Variants in ROR1 observed in about 807,000 individuals in gnomAD.
ROR1 encodes the protein inactive tyrosine-protein kinase transmembrane receptor ROR1.
ROR1 carries 19 observed loss-of-function variants against 78.8 expected under a neutral mutation model. The observed-to-expected ratio is 0.24, with a 90% CI of 0.17 to 0.35. ROR1 has a LOEUF of 0.35. ROR1 is among the 10% of genes least tolerant of loss of function. The probability of loss-of-function intolerance (pLI) is 1.00; values close to 1 mark genes in which losing one functional copy is unlikely to be tolerated. For synonymous variants in ROR1, 386 were observed against 433.6 expected (o/e 0.89, Z 1.36); for missense variants, 917 against 1,177.8 (o/e 0.78, Z 3.24).
At chr1:64,118,568 G>C (rs1648402479) in intron 4 of ROR1, among the ~76,000 whole-genome samples, 1 of 148,234 alleles carries the variant, frequency 6.7e-6, no homozygotes, top group Non-Finnish European at 1.5e-5. Context: ...GGGAGGCAGA[G>C]GTAGCAGTGA....
intron 5 of ROR1, among the ~76,000 whole-genome samples, chr1:64,139,064 G>A (rs1368799425): frequency 1.3e-5 from 2 of 151,588 alleles, no homozygotes; most frequent in Non-Finnish European, 2.9e-5. Context: ...CTATGTGGGA[G>A]GCTGAGGCAT....
chr1:63,962,322 T>C (rs1215589408), intron 1 of ROR1, among the ~76,000 whole-genome samples: 3 of 152,202 alleles, frequency 2.0e-5, no homozygotes, highest in African/African-American at 7.2e-5. Flanking sequence ...AGGAGATGGA[T>C]CTAACTTGTT....
chr1:63,924,135 T>G (rs1006433736), intron 1 of ROR1, among the ~76,000 whole-genome samples: 5 of 152,196 alleles, frequency 3.3e-5, no homozygotes, highest in Non-Finnish European at 7.3e-5. Flanking sequence ...GAGAACCACC[T>G]GACCTCTCCG....
intron 8 of ROR1, among the ~76,000 whole-genome samples, chr1:64,164,382 A>G (rs989339724): frequency 3.3e-5 from 5 of 152,250 alleles, no homozygotes; most frequent in Admixed American, 6.5e-5. Flanking sequence ...ACAAAGAGAT[A>G]TGATTACAAA....
At position 64,103,340 on chromosome 1, in the gene ROR1, C is replaced by CA. The variant is rs10706620; in HGVS notation, c.483-34017dup. ...TAAAATTTAAAAAAAAGTTCAAATG[C>CA]AAAAAAAAAAAAGTAAGGAACTAGA... On this transcript the variant is annotated intron_variant, in intron 4 of 8. Transcript: ENST00000371079. Among the ~76,000 whole-genome samples the CA allele has an allele frequency of 1.7e-3, 231 of 138,356 alleles. 1 individual carries two copies. The highest frequency in any genetic ancestry group is 4.7e-3 in the African/African-American group (177 of 37,794). 90.8% of individuals were successfully genotyped at this position (138,356 alleles called of 152,430 possible). A position where few individuals can be genotyped will look rare whatever the true frequency, so the allele number is the denominator to read the frequency against.
At chr1:63,780,828 G>A (rs2100220427) in intron 1 of ROR1, among the ~76,000 whole-genome samples, 1 of 152,286 alleles carries the variant, frequency 6.6e-6, no homozygotes, top group East Asian at 1.9e-4. Flanking sequence ...GGTGCTTAGT[G>A]TAATTCCAGA....
At chr1:64,011,653 C>T (rs1646475452) in intron 2 of ROR1, among the ~76,000 whole-genome samples, 1 of 152,112 alleles carries the variant, frequency 6.6e-6, no homozygotes, top group Admixed American at 6.5e-5. Context: ...TAAAGGCAGG[C>T]CCCAGACTCC....
At chr1:64,054,151 T>G (rs1195777609) in intron 4 of ROR1, among the ~76,000 whole-genome samples, 1 of 152,124 alleles carries the variant, frequency 6.6e-6, no homozygotes, top group Non-Finnish European at 1.5e-5. Flanking sequence ...ATGGGGTTTC[T>G]CCATGTTGGC....
chr1:63,967,574 A>G (rs1331262036), intron 1 of ROR1, among the ~76,000 whole-genome samples: 3 of 151,980 alleles, frequency 2.0e-5, no homozygotes, highest in African/African-American at 2.4e-5. Flanking sequence ...ACCATCATCA[A>G]CCCTGTTGGG....
intron 7 of ROR1, among the ~76,000 whole-genome samples, chr1:64,147,037 T>A (rs1025105877): frequency 6.6e-6 from 1 of 152,194 alleles, no homozygotes; most frequent in Non-Finnish European, 1.5e-5. Flanking sequence ...CTGCTATCTC[T>A]CATTTGAAGA....
intron 1 of ROR1, among the ~76,000 whole-genome samples, chr1:63,837,956 T>C (rs1318072205): frequency 6.6e-6 from 1 of 152,158 alleles, no homozygotes; most frequent in African/African-American, 2.4e-5. Flanking sequence ...GGTGGTCCAA[T>C]AGGGTTATAA....
chr1:64,049,920 C>T lies in ROR1; in HGVS notation c.393C>T (p.Cys131=), dbSNP rs148616064. ...CCACAGACACAGGCTACTTCCAGTG[C>T]GTGGCAACAAACGGCAAGGAGGTGG... ...LDTTDTGYFQ[C]VATNGKEVVS... Residue 131 remains cysteine, a synonymous_variant, in exon 3 of 9, where the codon TGC becomes TGT. Coordinates refer to ENST00000371079, the MANE Select transcript of ROR1 (RefSeq NM_005012.4). 3.4e-5 allele frequency: 55 copies of T among 1,614,052 alleles called. No individual in the cohort carries two copies. Among genetic ancestry groups the T allele is most frequent in the Non-Finnish European group, 4.2e-5 (50 of 1,180,044 alleles).
intron 4 of ROR1, among the ~76,000 whole-genome samples, chr1:64,124,655 A>G (rs998348827): frequency 2.0e-5 from 3 of 152,338 alleles, no homozygotes; most frequent in South Asian, 4.1e-4. Context: ...ACTATGTGAA[A>G]CGTACGTCCA....
intron 4 of ROR1, among the ~76,000 whole-genome samples, chr1:64,131,313 C>T (rs1205723077): frequency 6.6e-6 from 1 of 152,126 alleles, no homozygotes; most frequent in Non-Finnish European, 1.5e-5. Flanking sequence ...CCCTATGAGG[C>T]TGCCATGCTG....
intron 2 of ROR1, among the ~76,000 whole-genome samples, chr1:64,024,693 A>T (rs1479744169): frequency 6.6e-6 from 1 of 152,066 alleles, no homozygotes; most frequent in Non-Finnish European, 1.5e-5. Context: ...GTTCTCTTAA[A>T]TCTCTCTGCA....
At chr1:63,909,012 C>G (rs1218385641) in intron 1 of ROR1, among the ~76,000 whole-genome samples, 1 of 152,208 alleles carries the variant, frequency 6.6e-6, no homozygotes, top group Non-Finnish European at 1.5e-5. Context: ...GGAGACTGTT[C>G]TGACCCATAT....
At chr1:63,944,398 C>T (rs900881986) in intron 1 of ROR1, among the ~76,000 whole-genome samples, 9 of 152,208 alleles carry the variant, frequency 5.9e-5, no homozygotes, top group African/African-American at 2.2e-4. Flanking sequence ...GGCAGATAAT[C>T]CCTGGCCATG....
At chr1:64,143,698 A>G (rs969282464) in intron 7 of ROR1, among the ~76,000 whole-genome samples, 1 of 152,170 alleles carries the variant, frequency 6.6e-6, no homozygotes. Context: ...CAGGGACCCT[A>G]AGGAGGGAGT....
chr1:64,069,315 C>T (rs1045289514), intron 4 of ROR1, among the ~76,000 whole-genome samples: 3 of 152,114 alleles, frequency 2.0e-5, no homozygotes, highest in Middle Eastern at 3.2e-3. Context: ...ATCTTCTTCC[C>T]GTCTCTTTTT....
Sources: gnomAD v4.1 joint callset for allele counts (sites outside exome capture counted in the v4.1 genomes callset) on GRCh38, gnomAD v4.1.1 for gene constraint, MANE v1.5 for transcripts, NCBI Gene and HGNC (gene_info 2026-07-23, HGNC 2026-07-21) for gene names.